GNAQ: variants seen among roughly 807,000 people sequenced by gnomAD.
GNAQ encodes G protein subunit alpha q, also known as guanine nucleotide-binding protein G(q) subunit alpha.
A neutral mutation model predicts 43.9 loss-of-function variants in GNAQ; 8 were observed. The ratio of observed to expected loss-of-function variants is 0.18; its 90% CI spans 0.11 to 0.33. The LOEUF is 0.33. Ranked by LOEUF, GNAQ falls within the 10% of genes least tolerant of loss-of-function variation. The pLI, the probability that GNAQ is intolerant of heterozygous loss-of-function variation, is 1.00. For missense variants in GNAQ, 158 were observed against 450.8 expected (o/e 0.35, Z 5.88); for synonymous variants, 155 against 170.7 (o/e 0.91, Z 0.71).
rs996488510 is a variant in GNAQ at position 77,899,385 on chromosome 9, C to T, written c.321+22776G>A. ...GTGCTGGGACTACAGGCATGAGCTA[C>T]TGTGTCCGGTCTCATTCACTAATGT... On this transcript the variant is annotated intron_variant, in intron 2 of 6. Coordinates refer to ENST00000286548, the MANE Select transcript of GNAQ (RefSeq NM_002072.5). Among the ~76,000 whole-genome samples the T allele has an allele frequency of 3.3e-5, 5 of 152,188 alleles. No homozygotes were observed. In the South Asian group the frequency reaches 6.2e-4, roughly 19 times the overall value.
At chr9:77,897,605 G>T (rs1828524308) in intron 2 of GNAQ, among the ~76,000 whole-genome samples, 1 of 152,222 alleles carries the variant, frequency 6.6e-6, no homozygotes, top group African/African-American at 2.4e-5. Context: ...AGCCTCCAAA[G>T]CAGGACCTGG....
At chr9:77,866,918 T>C (rs932397494) in intron 2 of GNAQ, among the ~76,000 whole-genome samples, 8 of 152,248 alleles carry the variant, frequency 5.3e-5, no homozygotes, top group African/African-American at 1.9e-4. Context: ...AATATATTTA[T>C]GCTTTGCATC....
chr9:77,896,816 T>C (rs958143401), intron 2 of GNAQ, among the ~76,000 whole-genome samples: 1 of 152,238 alleles, frequency 6.6e-6, no homozygotes, highest in Non-Finnish European at 1.5e-5. Context: ...ATGACCCTAA[T>C]TATTTACTAT....
At chr9:78,029,973 C>A (rs943581558) in intron 1 of GNAQ, among the ~76,000 whole-genome samples, 3 of 152,106 alleles carry the variant, frequency 2.0e-5, no homozygotes, top group Non-Finnish European at 4.4e-5. Flanking sequence ...GAACCCTGAT[C>A]GCTTGATTCT....
At chr9:77,934,256 C>T (rs971088717) in intron 1 of GNAQ, among the ~76,000 whole-genome samples, 9 of 151,966 alleles carry the variant, frequency 5.9e-5, no homozygotes, top group African/African-American at 2.2e-4. Flanking sequence ...TTCTCTCCAG[C>T]GTTGGATTTT....
At chr9:77,951,092 C>CT (rs35044662) in intron 1 of GNAQ, among the ~76,000 whole-genome samples, 33,678 of 88,244 alleles carry the variant, frequency 0.38, 8,618 homozygotes, top group Admixed American at 0.46. Flanking sequence ...GTCAAGTGTT[C>CT]TTTTTTTTTT....
intron 1 of GNAQ, among the ~76,000 whole-genome samples, chr9:77,931,063 C>A (rs867718708): frequency 4.0e-5 from 6 of 151,426 alleles, no homozygotes; most frequent in African/African-American, 4.8e-5. Context: ...AACCCCCCGA[C>A]CCGACCCCCA....
At chr9:77,993,101 C>T (rs1372250543) in intron 1 of GNAQ, among the ~76,000 whole-genome samples, 2 of 152,254 alleles carry the variant, frequency 1.3e-5, no homozygotes, top group Admixed American at 6.5e-5. Context: ...TAAAACACAG[C>T]GCCTTTGTTT....
chr9:78,023,016 C>A (rs1370956870), intron 1 of GNAQ, among the ~76,000 whole-genome samples: 1 of 152,186 alleles, frequency 6.6e-6, no homozygotes, highest in African/African-American at 2.4e-5. Flanking sequence ...AAGATGCCTA[C>A]ACATGCCTAC....
intron 3 of GNAQ, among the ~76,000 whole-genome samples, chr9:77,800,183 G>T (rs936964829): frequency 1.6e-4 from 25 of 151,724 alleles, no homozygotes; most frequent in African/African-American, 4.4e-4. Context: ...CAGGGATCTA[G>T]AACTAGAAAT....
chr9:77,838,023 A>G (rs1564126260), intron 2 of GNAQ, among the ~76,000 whole-genome samples: 1 of 151,598 alleles, frequency 6.6e-6, no homozygotes, highest in Admixed American at 6.6e-5. Context: ...ACGCCCAGCT[A>G]ATTTTTAGTA....
rs77103850 is a variant in GNAQ at position 77,959,444 on chromosome 9, T to C, written c.137-37099A>G. Among the ~76,000 whole-genome samples the C allele has an allele frequency of 8.2e-3, 1,254 of 152,312 alleles. 13 individuals carry two copies. The highest frequency in any genetic ancestry group is 0.028 in the African/African-American group (1,159 of 41,572). On this transcript the variant is annotated intron_variant, in intron 1 of 6. Transcript: ENST00000286548. The stretch of plus-strand genomic sequence containing the variant: ...AAATGTGTGATATTCTAAATATCCA[T>C]AAAATACAAATAAATCTTTAAATAA...
intron 1 of GNAQ, among the ~76,000 whole-genome samples, chr9:78,023,743 C>A (rs930678661): frequency 6.6e-6 from 1 of 151,700 alleles, no homozygotes; most frequent in African/African-American, 2.4e-5. Flanking sequence ...AAAAAAAATT[C>A]TTGGAAAGCA....
chr9:78,023,099 G>A (rs1823930935), intron 1 of GNAQ, among the ~76,000 whole-genome samples: 1 of 152,200 alleles, frequency 6.6e-6, no homozygotes, highest in South Asian at 2.1e-4. Context: ...AGATTATCCA[G>A]CACTGGCTCA....
At chr9:78,009,413 G>T (rs1321344897) in intron 1 of GNAQ, among the ~76,000 whole-genome samples, 2 of 152,158 alleles carry the variant, frequency 1.3e-5, no homozygotes, top group African/African-American at 4.8e-5. Flanking sequence ...AGTCAAGGAA[G>T]AGCAGACGTC....
chr9:77,965,876 T>C (rs1162562615), intron 1 of GNAQ, among the ~76,000 whole-genome samples: 1 of 150,006 alleles, frequency 6.7e-6, no homozygotes, highest in Admixed American at 6.6e-5. Context: ...ATCAATAACC[T>C]ATGCATGAAT....
chr9:77,749,629 T>C (rs1825781337), intron 5 of GNAQ, among the ~76,000 whole-genome samples: 1 of 152,226 alleles, frequency 6.6e-6, no homozygotes, highest in Admixed American at 6.5e-5. Context: ...TAATTCCACA[T>C]ACTATACACA....
At chr9:77,935,441 C>A (rs1829217005) in intron 1 of GNAQ, among the ~76,000 whole-genome samples, 1 of 152,178 alleles carries the variant, frequency 6.6e-6, no homozygotes, top group Non-Finnish European at 1.5e-5. Context: ...TCTCCTAAAA[C>A]AAAAAATTTT....
Position 77,767,075 on chromosome 9 carries a change from C to G in GNAQ, c.735+27388G>C, listed in dbSNP as rs530030116. Among the ~76,000 whole-genome samples, 14 of 152,196 alleles carry G rather than the reference C, an allele frequency of 9.2e-5. No individual in the cohort carries two copies. In the South Asian group the frequency reaches 2.9e-3, roughly 32 times the overall value. On this transcript the variant is annotated intron_variant, in intron 5 of 6. Coordinates refer to ENST00000286548, the MANE Select transcript of GNAQ (RefSeq NM_002072.5). ...AGGGAACGTTTAGTGTGTACTGGCA[C>G]TTTAAAAGGGTCTGTCATAAACCAA...
Sources: gnomAD v4.1 joint callset for allele counts (sites outside exome capture counted in the v4.1 genomes callset) on GRCh38, gnomAD v4.1.1 for gene constraint, MANE v1.5 for transcripts, NCBI Gene and HGNC (gene_info 2026-07-23, HGNC 2026-07-21) for gene names.